PPP1R16B: variants seen among roughly 807,000 people sequenced by gnomAD.
The protein encoded by PPP1R16B is protein phosphatase 1 regulatory subunit 16B.
A neutral mutation model predicts 61.7 loss-of-function variants in PPP1R16B; 14 were observed. The observed-to-expected ratio is 0.23, with a 90% CI of 0.15 to 0.35. The LOEUF (loss-of-function observed/expected upper bound fraction) is 0.35, where lower values mean the gene tolerates loss of function less well. Among genes scored for constraint, PPP1R16B ranks in the 10% least tolerant of loss-of-function variants. The pLI is 1.00. For missense variants in PPP1R16B, 547 were observed against 752.5 expected (o/e 0.73, Z 3.19); for synonymous variants, 266 against 305.3 (o/e 0.87, Z 1.34).
intron 2 of PPP1R16B, among the ~76,000 whole-genome samples, chr20:38,845,221 G>C (rs1601251760): frequency 9.4e-6 from 1 of 106,542 alleles, no homozygotes; most frequent in Non-Finnish European, 2.1e-5. Context: ...GGCAGAGAGT[G>C]AGCCCAGCTG....
chr20:38,830,419 C>G (rs1224532363), intron 1 of PPP1R16B, among the ~76,000 whole-genome samples: 1 of 152,220 alleles, frequency 6.6e-6, no homozygotes, highest in East Asian at 1.9e-4. Flanking sequence ...CAACACTAAA[C>G]GCCATTGTCA....
intron 10 of PPP1R16B, among the ~76,000 whole-genome samples, chr20:38,917,396 G>T (rs895950655): frequency 6.6e-6 from 1 of 151,692 alleles, no homozygotes; most frequent in African/African-American, 2.4e-5. Flanking sequence ...GTTTCTTCAT[G>T]TGTCTTTTGA....
In PPP1R16B at chr20:38,899,098, C is replaced by A. The variant is rs190438976; in HGVS notation, c.468-1483C>A. 2.0e-5 allele frequency among the ~76,000 whole-genome samples: 3 copies of A among 152,116 alleles called. No individual in the cohort carries two copies. In the South Asian group the frequency reaches 6.2e-4, roughly 32 times the overall value. On this transcript the variant is annotated intron_variant, in intron 4 of 10. Transcript: ENST00000299824. ...ACCTTTTGCACTGGTCTTGGCAGAGCGGCAGGAGCCCATCGTTGGCTCCCG... is the reference window on the plus strand; with the variant it reads ...ACCTTTTGCACTGGTCTTGGCAGAGAGGCAGGAGCCCATCGTTGGCTCCCG...
intron 2 of PPP1R16B, among the ~76,000 whole-genome samples, chr20:38,847,381 G>A (rs1463382025): frequency 1.3e-5 from 2 of 152,018 alleles, no homozygotes; most frequent in South Asian, 2.1e-4. Flanking sequence ...GTTTTGAGAC[G>A]GAGTCTCACT....
chr20:38,895,487 G>A, intron 3 of PPP1R16B, 78 bp from the exon 4 acceptor site: 1 of 1,484,050 alleles, frequency 6.7e-7, no homozygotes, highest in South Asian at 1.2e-5. Context: ...CCTCTTGCGG[G>A]GAACCTGGTG....
chr20:38,898,398 G>A (rs941017142), intron 4 of PPP1R16B, among the ~76,000 whole-genome samples: 4 of 152,084 alleles, frequency 2.6e-5, no homozygotes, highest in Admixed American at 2.6e-4. Context: ...TTTGGAGTTC[G>A]TTTTGAAATC....
At chr20:38,916,018 G>A (rs2085534971) in intron 10 of PPP1R16B, among the ~76,000 whole-genome samples, 1 of 150,340 alleles carries the variant, frequency 6.7e-6, no homozygotes, top group African/African-American at 2.5e-5. Context: ...CCAAGAAACG[G>A]TCTCTCCATG....
At position 38,889,575 on chromosome 20, in the gene PPP1R16B, C is replaced by T. The variant is rs770608248; in HGVS notation, c.251-20C>T. 1.9e-6 allele frequency: 3 copies of T among 1,552,710 alleles called. No homozygotes were observed. The highest frequency in any genetic ancestry group is 4.5e-5 in the East Asian group (2 of 44,590). The stretch of plus-strand genomic sequence containing the variant: ...CCCAGTGTGCAACGGGAAGCTCACT[C>T]CTGTACCCTCCTATTGCAGTACGCT... On this transcript the variant is annotated intron_variant, in intron 2 of 10. Coordinates refer to ENST00000299824, the MANE Select transcript of PPP1R16B (RefSeq NM_015568.4).
chr20:38,891,845 A>G (rs1430356629), intron 3 of PPP1R16B, among the ~76,000 whole-genome samples: 1 of 152,052 alleles, frequency 6.6e-6, no homozygotes, highest in Non-Finnish European at 1.5e-5. Context: ...TTTATGGCTC[A>G]GGAAACTGAG....
Position 38,918,292 on chromosome 20 carries a change from G to A in PPP1R16B, c.1330G>A (p.Val444Ile), listed in dbSNP as rs748576878. 1.2e-6 allele frequency: 2 copies of A among 1,614,248 alleles called. No homozygotes were observed. Among genetic ancestry groups the A allele is most frequent in the African/African-American group, 1.3e-5 (1 of 75,066 alleles). Reference protein sequence around the residue: ...AYQYALANGDVWKVHEVPDYS... With the variant: ...AYQYALANGDIWKVHEVPDYS... ...CCAGTATGCGCTGGCCAACGGGGAT[G>A]TCTGGAAGGTGCATGAGGTGCCTGA... The change falls in exon 11 of 11, where the codon GTC becomes ATC. Residue 444 changes from valine (V) to isoleucine (I), a missense_variant. By Grantham distance (29) the Val-to-Ile change is conservative. Coordinates refer to ENST00000299824, the MANE Select transcript of PPP1R16B (RefSeq NM_015568.4). This position sits in a 1 kb window ranked among gnomAD's most constrained non-coding sequence, Gnocchi z 5.3.
At chr20:38,805,930 G>C (rs969395023) in intron 1 of PPP1R16B, 138 bp downstream of exon 1, 4 of 152,264 alleles carry the variant, frequency 2.6e-5, no homozygotes, top group African/African-American at 9.7e-5. Context: ...AGGGACGATA[G>C]CTTGAGATAA....
rs111532763 is a variant in PPP1R16B, at chr20:38,887,704, T to C, written c.251-1891T>C. Among the ~76,000 whole-genome samples the C allele has an allele frequency of 1.0e-2, 1,521 of 152,340 alleles. 26 individuals are homozygous for C. Among genetic ancestry groups the C allele is most frequent in the African/African-American group, 0.035 (1,461 of 41,570 alleles). ...TAGCCAGATGTAGCTAGTGGCACCATGTTGGTCAGGACAGCGCCAAAGGAT... is the reference window on the plus strand; with the variant it reads ...TAGCCAGATGTAGCTAGTGGCACCACGTTGGTCAGGACAGCGCCAAAGGAT... On this transcript the variant is annotated intron_variant, in intron 2 of 10. Transcript: ENST00000299824.
Position 38,907,833 on chromosome 20 carries a change from T to C in PPP1R16B, c.926T>C (p.Val309Ala), listed in dbSNP as rs539737419. Residue 309 changes from valine (V) to alanine (A), a missense_variant, in exon 9 of 11, where the codon GTC becomes GCC. Physicochemically the swap from Val to Ala is moderately conservative, Grantham distance 64 (BLOSUM62 0). Transcript: ENST00000299824. The surrounding 1 kb of genome is among the most constrained non-coding windows in gnomAD (Gnocchi z 4.5). ...IDLCEEEEFK[V>A]LLLELKHKHD... ...CTGTGCGAGGAGGAAGAGTTCAAGG[T>C]CCTGCTGCTGGAGCTAAAACACAAG... is the stretch of plus-strand genomic sequence containing the variant. The C allele has an allele frequency of 8.7e-6, 14 of 1,614,142 alleles. No homozygotes were observed. The East Asian group carries it at 3.1e-4, about 36-fold the overall frequency.
intron 1 of PPP1R16B, among the ~76,000 whole-genome samples, chr20:38,809,097 G>T (rs73112067): frequency 1.3e-5 from 2 of 151,942 alleles, no homozygotes; most frequent in Admixed American, 6.5e-5. Context: ...TGCAGGAAAT[G>T]ATCATTGTCA....
intron 3 of PPP1R16B, among the ~76,000 whole-genome samples, chr20:38,890,063 G>C (rs1008720341): frequency 6.6e-6 from 1 of 152,160 alleles, no homozygotes. Context: ...GAGGTCACAT[G>C]GTCTTGATTT....
At chr20:38,911,831 C>T (rs947508060) in intron 10 of PPP1R16B, among the ~76,000 whole-genome samples, 1 of 152,220 alleles carries the variant, frequency 6.6e-6, no homozygotes, top group African/African-American at 2.4e-5. Flanking sequence ...GCCACTGCTC[C>T]TGGCCTCCAT....
In PPP1R16B at chr20:38,845,039, G is replaced by A. The variant is rs142250507; in HGVS notation, c.250+8864G>A. ...CCTACTGGAACCTAAGGAAGGCACC[G>A]TATGGAGAGGGCTACCTAAAGGAGC... On this transcript the variant is annotated intron_variant, in intron 2 of 10. Coordinates refer to ENST00000299824, the MANE Select transcript of PPP1R16B (RefSeq NM_015568.4). Among the ~76,000 whole-genome samples the A allele has an allele frequency of 4.5e-3, 638 of 142,752 alleles. 6 individuals carry two copies. Among genetic ancestry groups the A allele is most frequent in the African/African-American group, 0.015 (606 of 39,722 alleles). The allele number at this position is 142,752 out of a possible 152,430, so 93.7% of individuals were successfully genotyped here. A position where few individuals can be genotyped will look rare whatever the true frequency, so the allele number is the denominator to read the frequency against.
chr20:38,847,820 T>G (rs994242827), intron 2 of PPP1R16B, among the ~76,000 whole-genome samples: 3 of 152,252 alleles, frequency 2.0e-5, no homozygotes, highest in Non-Finnish European at 2.9e-5. Flanking sequence ...TTCATATATT[T>G]TCTGCAGTGC....
In PPP1R16B at chr20:38,840,135, C is replaced by T. The variant is rs142861010; in HGVS notation, c.250+3960C>T. ...TCAGTCAGCCCTTGACCTCACTGGGCTATGCTCAGCTTCCTGGCAGCACTA... is the reference window on the plus strand; with the variant it reads ...TCAGTCAGCCCTTGACCTCACTGGGTTATGCTCAGCTTCCTGGCAGCACTA... On this transcript the variant is annotated intron_variant, in intron 2 of 10. Transcript: ENST00000299824. 1.3e-3 allele frequency among the ~76,000 whole-genome samples: 192 copies of T among 152,296 alleles called. 2 individuals are homozygous for T. Among genetic ancestry groups the T allele is most frequent in the African/African-American group, 4.4e-3 (181 of 41,574 alleles).
Sources: allele counts gnomAD v4.1 joint callset (sites outside exome capture counted in the v4.1 genomes callset), GRCh38; gene constraint gnomAD v4.1.1; non-coding constraint Gnocchi (gnomAD v3.1); transcripts MANE v1.5; gene names NCBI Gene and HGNC (gene_info 2026-07-23, HGNC 2026-07-21).